The following EYA2 variants were observed in gnomAD, a reference collection of about 807,000 sequenced individuals.
EYA2 encodes EYA transcriptional coactivator and phosphatase 2.
Under a neutral mutation model 69.2 loss-of-function variants are expected in EYA2, and 31 were observed. That is an observed-to-expected ratio of 0.45 (90% CI 0.34 to 0.60). EYA2 has a LOEUF of 0.60. Among genes scored for constraint, EYA2 ranks in the 20% least tolerant of loss-of-function variants. The probability of loss-of-function intolerance (pLI) is 0.02; values close to 1 mark genes in which losing one functional copy is unlikely to be tolerated. For synonymous variants in EYA2, 257 were observed against 279.4 expected (o/e 0.92, Z 0.80); for missense variants, 622 against 701.2 (o/e 0.89, Z 1.28).
At chr20:46,898,111 G>A (rs780287067) in intron 1 of EYA2, among the ~76,000 whole-genome samples, 90 of 152,026 alleles carry the variant, frequency 5.9e-4, no homozygotes, top group Non-Finnish European at 1.2e-3. Flanking sequence ...GGGAGAATTC[G>A]CCTAATGATG....
intron 7 of EYA2, among the ~76,000 whole-genome samples, chr20:47,087,921 A>G (rs2031946574): frequency 6.6e-6 from 1 of 152,264 alleles, no homozygotes. Flanking sequence ...TAAAGCTTAA[A>G]AGGCTTGCAT....
intron 10 of EYA2, 82 bp from the exon 11 acceptor site, chr20:47,169,057 T>C: frequency 7.5e-7 from 1 of 1,336,922 alleles, no homozygotes; most frequent in Non-Finnish European, 1.1e-6. Context: ...GCCCTCAGCT[T>C]ATGAGGCCAA....
intron 10 of EYA2, among the ~76,000 whole-genome samples, chr20:47,164,396 G>GA (rs2034137879): frequency 6.6e-6 from 1 of 152,200 alleles, no homozygotes; most frequent in African/African-American, 2.4e-5. Flanking sequence ...TGACATCAAG[G>GA]AAAGCGCATG....
chr20:47,087,356 T>C (rs1203601923), intron 7 of EYA2, among the ~76,000 whole-genome samples: 1 of 152,156 alleles, frequency 6.6e-6, no homozygotes, highest in Non-Finnish European at 1.5e-5. Context: ...ATTTGGGAGC[T>C]AAACCAAGCA....
chr20:46,939,929 G>GA (rs1439494987), intron 1 of EYA2, among the ~76,000 whole-genome samples: 1 of 152,190 alleles, frequency 6.6e-6, no homozygotes, highest in Non-Finnish European at 1.5e-5. Context: ...AATAAGGGGA[G>GA]AGTAAAATAA....
At chr20:47,022,655 C>CTTT (rs3092574) in intron 5 of EYA2, among the ~76,000 whole-genome samples, 28,531 of 105,568 alleles carry the variant, frequency 0.27, 5,623 homozygotes, top group South Asian at 0.32. Context: ...TAAACTTCAC[C>CTTT]TTTTTTTTTT....
At chr20:46,929,152 CA>C (rs11329475) in intron 1 of EYA2, among the ~76,000 whole-genome samples, 54,008 of 98,168 alleles carry the variant, frequency 0.55, 11,518 homozygotes, top group East Asian at 0.71. Context: ...ATAAGTTGTG[CA>C]AAAAAAAAAA....
chr20:46,939,783 A>G (rs1457659706), intron 1 of EYA2, among the ~76,000 whole-genome samples: 1 of 152,170 alleles, frequency 6.6e-6, no homozygotes, highest in Non-Finnish European at 1.5e-5. Flanking sequence ...ACCTTCCATA[A>G]CGGGTTTGCT....
intron 5 of EYA2, among the ~76,000 whole-genome samples, chr20:47,029,175 C>T (rs1984265121): frequency 6.6e-6 from 1 of 152,068 alleles, no homozygotes; most frequent in Non-Finnish European, 1.5e-5. Flanking sequence ...TGGGGGTTAG[C>T]ATATTCAGGA....
chr20:46,969,543 T>C (rs1415990429), intron 1 of EYA2, among the ~76,000 whole-genome samples: 1 of 145,608 alleles, frequency 6.9e-6, no homozygotes, highest in Non-Finnish European at 1.6e-5. Context: ...TTGTTTCTCC[T>C]CTTTTGTTTT....
intron 5 of EYA2, among the ~76,000 whole-genome samples, chr20:47,044,225 G>A (rs1393944189): frequency 6.6e-6 from 1 of 152,132 alleles, no homozygotes; most frequent in Non-Finnish European, 1.5e-5. Context: ...AAAGTGAGAG[G>A]CCTTTTTCTA....
intron 1 of EYA2, among the ~76,000 whole-genome samples, chr20:46,982,775 C>CA (rs11482394): frequency 7.3e-6 from 1 of 137,408 alleles, no homozygotes; most frequent in Non-Finnish European, 1.5e-5. Context: ...CTGTAATTTC[C>CA]TTTTTTTTTT....
chr20:47,049,334 T>C (rs1329733908), intron 5 of EYA2, among the ~76,000 whole-genome samples: 1 of 152,226 alleles, frequency 6.6e-6, no homozygotes. Flanking sequence ...TACCAGTTTT[T>C]CCAGAAACAT....
intron 9 of EYA2, among the ~76,000 whole-genome samples, chr20:47,122,290 T>TTG (rs2033069556): frequency 9.0e-6 from 1 of 110,792 alleles, no homozygotes; most frequent in African/African-American, 5.4e-5. Flanking sequence ...ATTTTCTTGG[T>TTG]TTTTTTTTTT....
chr20:47,172,915 A>G (rs1039777719), intron 12 of EYA2, 48 bp downstream of exon 12: 3 of 1,568,144 alleles, frequency 1.9e-6, no homozygotes, highest in South Asian at 1.2e-5. Flanking sequence ...ACTCATTGGG[A>G]TGGATGCTGT....
chr20:47,091,720 G>C (rs1294482983), intron 8 of EYA2, among the ~76,000 whole-genome samples: 2 of 152,092 alleles, frequency 1.3e-5, no homozygotes, highest in Non-Finnish European at 2.9e-5. Flanking sequence ...ACTCCAGCCT[G>C]GGCGACAAAT....
chr20:47,011,995 G>C (rs566077182), intron 4 of EYA2, among the ~76,000 whole-genome samples: 2 of 152,164 alleles, frequency 1.3e-5, no homozygotes, highest in Non-Finnish European at 2.9e-5. Context: ...CTCCTCTGCT[G>C]TGTGTTTTTA....
intron 12 of EYA2, among the ~76,000 whole-genome samples, chr20:47,175,579 C>T (rs530058319): frequency 9.2e-5 from 14 of 152,264 alleles, no homozygotes; most frequent in Admixed American, 6.5e-5. Context: ...GTGCTCAGAA[C>T]GGCATCTGAC....
intron 14 of EYA2, 114 bp downstream of exon 14, chr20:47,181,050 C>A: frequency 1.4e-6 from 2 of 1,404,560 alleles, no homozygotes; most frequent in Non-Finnish European, 1.9e-6. Context: ...ATGGAGTGTG[C>A]CTATGGCCAT....
Sources: gnomAD v4.1 joint callset for allele counts (sites outside exome capture counted in the v4.1 genomes callset) on GRCh38, gnomAD v4.1.1 for gene constraint, MANE v1.5 for transcripts, NCBI Gene and HGNC (gene_info 2026-07-23, HGNC 2026-07-21) for gene names.